Variants in IL1RAPL2 observed in about 807,000 individuals in gnomAD.
IL1RAPL2 encodes the protein interleukin 1 receptor accessory protein like 2.
In IL1RAPL2, 3 loss-of-function variants were observed where a neutral mutation model predicts 44.1. That is an observed-to-expected ratio of 0.07 (90% confidence interval 0.03 to 0.18). The LOEUF is 0.18. IL1RAPL2 is among the 10% of genes least tolerant of loss of function. The pLI is 1.00. For synonymous variants in IL1RAPL2, 181 were observed against 178.8 expected (o/e 1.01, Z -0.10); for missense variants, 391 against 496.4 (o/e 0.79, Z 2.02).
At chrX:105,328,386 A>T (rs1200070771) in intron 5 of IL1RAPL2, among the ~76,000 whole-genome samples, 2 of 111,946 alleles carry the variant, frequency 1.8e-5, no homozygotes, top group Non-Finnish European at 3.8e-5. Context: ...AGTTAAGGGT[A>T]GCTTAATTCT....
At chrX:104,602,751 G>A (rs1928911220) in intron 1 of IL1RAPL2, among the ~76,000 whole-genome samples, 1 of 111,664 alleles carries the variant, frequency 9.0e-6, no homozygotes, top group Non-Finnish European at 1.9e-5. Context: ...CTGCAGCTCA[G>A]CAATGCTGCT....
At chrX:104,854,652 ATT>A (rs371393922) in intron 2 of IL1RAPL2, among the ~76,000 whole-genome samples, 14 of 100,836 alleles carry the variant, frequency 1.4e-4, no homozygotes, top group Non-Finnish European at 1.2e-4. Flanking sequence ...AAGAGAAAGA[ATT>A]TTTTTTTTTT....
intron 5 of IL1RAPL2, among the ~76,000 whole-genome samples, chrX:105,303,528 C>T (rs2063544338): frequency 8.9e-6 from 1 of 112,304 alleles, no homozygotes; most frequent in Admixed American, 9.4e-5. Flanking sequence ...ATAACAGAGA[C>T]ACAAACACCC....
chrX:105,447,572 CATAA>C lies in IL1RAPL2; in HGVS notation c.698-36737_698-36734del, dbSNP rs1436112525. 2.2e-4 allele frequency among the ~76,000 whole-genome samples: 14 copies of C among 64,978 alleles called. No individual in the cohort carries two copies. The East Asian group carries it at 8.3e-3, about 38-fold the overall frequency. The allele number at this position is 64,978 out of a possible 115,157, so 56.4% of individuals were successfully genotyped here. ...ATATAAATAAATATAAATATATAAA[CATAA>C]ATATATATTTATATAAATATAAATA... On this transcript the variant is annotated intron_variant, in intron 5 of 10. Transcript: ENST00000372582.
chrX:104,577,938 A>G (rs773945712), intron 1 of IL1RAPL2, among the ~76,000 whole-genome samples: 1 of 109,882 alleles, frequency 9.1e-6, no homozygotes, highest in South Asian at 4.0e-4. Context: ...GCTAGAAGGG[A>G]CTCTGTGGTT....
At chrX:105,749,893 T>G (rs749139328) in intron 9 of IL1RAPL2, among the ~76,000 whole-genome samples, 2 of 111,943 alleles carry the variant, frequency 1.8e-5, no homozygotes, top group Non-Finnish European at 3.8e-5. Context: ...GCTGTAAGCC[T>G]TGGAAATGTG....
chrX:104,582,159 T>C (rs1263758578), intron 1 of IL1RAPL2, among the ~76,000 whole-genome samples: 1 of 112,400 alleles, frequency 8.9e-6, no homozygotes, highest in Non-Finnish European at 1.9e-5. Flanking sequence ...TCCGCTGCTA[T>C]GTACACAACT....
chrX:105,347,368 A>G (rs983214794), intron 5 of IL1RAPL2, among the ~76,000 whole-genome samples: 6 of 111,646 alleles, frequency 5.4e-5, no homozygotes, highest in Non-Finnish European at 1.1e-4. Flanking sequence ...AGTTTTCCAC[A>G]TATGTAAAGT....
intron 2 of IL1RAPL2, among the ~76,000 whole-genome samples, chrX:105,023,176 C>A (rs1327708319): frequency 9.0e-6 from 1 of 110,523 alleles, no homozygotes; most frequent in African/African-American, 3.3e-5. Flanking sequence ...GTAGGAACCC[C>A]AATTTTAGTT....
At chrX:104,648,981 G>A (rs1930098311) in intron 1 of IL1RAPL2, among the ~76,000 whole-genome samples, 1 of 111,013 alleles carries the variant, frequency 9.0e-6, no homozygotes, top group South Asian at 3.8e-4. Flanking sequence ...GTCTCTCAAT[G>A]TTTCATCACT....
intron 5 of IL1RAPL2, among the ~76,000 whole-genome samples, chrX:105,453,440 T>A (rs1353373674): frequency 8.9e-6 from 1 of 112,401 alleles, no homozygotes. Context: ...TTCTGACCAT[T>A]GACACAGTAT....
intron 5 of IL1RAPL2, chrX:105,406,303 T>C: frequency 5.8e-6 from 6 of 1,034,781 alleles, no homozygotes; most frequent in Non-Finnish European, 8.2e-6. Context: ...ACCGAAGTCC[T>C]GAGTACTTTG....
intron 2 of IL1RAPL2, among the ~76,000 whole-genome samples, chrX:104,930,918 T>C (rs762145464): frequency 1.8e-5 from 2 of 111,422 alleles, no homozygotes; most frequent in East Asian, 5.6e-4. Context: ...TAGTAAGTAG[T>C]AGAGACAGGA....
At chrX:105,162,135 A>G (rs1395767123) in intron 2 of IL1RAPL2, among the ~76,000 whole-genome samples, 1 of 112,278 alleles carries the variant, frequency 8.9e-6, no homozygotes, top group Non-Finnish European at 1.9e-5. Flanking sequence ...CACTTGTTAT[A>G]GAGTCAAACA....
intron 2 of IL1RAPL2, among the ~76,000 whole-genome samples, chrX:105,141,145 G>T (rs1230267939): frequency 9.0e-6 from 1 of 111,321 alleles, no homozygotes. Flanking sequence ...CTCATTAACT[G>T]CTTACTTTAT....
intron 2 of IL1RAPL2, among the ~76,000 whole-genome samples, chrX:104,971,883 CT>C (rs1459973461): frequency 1.8e-5 from 2 of 111,251 alleles, no homozygotes; most frequent in Admixed American, 9.6e-5. Context: ...ACATTCACCC[CT>C]GTCCTAAATT....
chrX:104,689,636 AT>A (rs1931055895), intron 2 of IL1RAPL2, among the ~76,000 whole-genome samples: 1 of 111,815 alleles, frequency 8.9e-6, no homozygotes, highest in East Asian at 2.8e-4. Context: ...TCTGTGCCAT[AT>A]TTTGGTTTTA....
At chrX:105,300,884 G>A (rs1444099178) in intron 5 of IL1RAPL2, among the ~76,000 whole-genome samples, 3 of 111,698 alleles carry the variant, frequency 2.7e-5, no homozygotes, top group Non-Finnish European at 5.6e-5. Context: ...ACTATAGTTT[G>A]TGTATCACAA....
At chrX:105,426,651 G>GT (rs368299531) in intron 5 of IL1RAPL2, among the ~76,000 whole-genome samples, 10 of 106,338 alleles carry the variant, frequency 9.4e-5, no homozygotes, top group South Asian at 4.0e-4. Flanking sequence ...CTGGGATTAT[G>GT]TTTTTTTTTT....
Sources: allele counts gnomAD v4.1 joint callset (sites outside exome capture counted in the v4.1 genomes callset), GRCh38; gene constraint gnomAD v4.1.1; transcripts MANE v1.5; gene names NCBI Gene and HGNC (gene_info 2026-07-23, HGNC 2026-07-21).